TMCC1: variants seen among roughly 807,000 people sequenced by gnomAD.
The protein encoded by TMCC1 is transmembrane and coiled-coil domains protein 1.
Under a neutral mutation model 52.4 loss-of-function variants are expected in TMCC1, and 15 were observed. The observed-to-expected ratio is 0.29, with a 90% CI of 0.19 to 0.44. The LOEUF is 0.44. TMCC1 is among the 20% of genes least tolerant of loss of function. TMCC1 has a pLI of 1.00. For missense variants in TMCC1, 503 were observed against 806.0 expected (o/e 0.62, Z 4.55); for synonymous variants, 279 against 301.9 (o/e 0.92, Z 0.79).
At chr3:129,725,413 C>T (rs191376209) in intron 4 of TMCC1, among the ~76,000 whole-genome samples, 3 of 151,972 alleles carry the variant, frequency 2.0e-5, no homozygotes, top group East Asian at 1.9e-4. Flanking sequence ...GCGGCCTAAT[C>T]GTACAATTTC....
chr3:129,668,250 T>C (rs892689527), intron 5 of TMCC1, among the ~76,000 whole-genome samples: 2 of 152,144 alleles, frequency 1.3e-5, no homozygotes, highest in African/African-American at 2.4e-5. Context: ...GTTTTAAAAA[T>C]TTTTTTAACT....
At chr3:129,767,540 T>C (rs2054231623) in intron 4 of TMCC1, among the ~76,000 whole-genome samples, 1 of 152,082 alleles carries the variant, frequency 6.6e-6, no homozygotes. Context: ...ACTTTGCTAA[T>C]TTTTAAATTT....
intron 4 of TMCC1, among the ~76,000 whole-genome samples, chr3:129,674,555 A>G (rs2108898128): frequency 6.6e-6 from 1 of 152,308 alleles, no homozygotes; most frequent in South Asian, 2.1e-4. Flanking sequence ...GAGAGAGGAA[A>G]AAACCAGAGG....
At chr3:129,664,197 A>T (rs1219263591) in intron 5 of TMCC1, among the ~76,000 whole-genome samples, 2 of 152,170 alleles carry the variant, frequency 1.3e-5, no homozygotes, top group South Asian at 2.1e-4. Context: ...TTTCAAACTT[A>T]TTGTCCAAAT....
At chr3:129,667,455 A>G (rs561661750) in intron 5 of TMCC1, among the ~76,000 whole-genome samples, 14 of 152,250 alleles carry the variant, frequency 9.2e-5, no homozygotes, top group African/African-American at 3.1e-4. Flanking sequence ...TCTTTCTTCA[A>G]GATTGTGTTT....
intron 4 of TMCC1, among the ~76,000 whole-genome samples, chr3:129,764,124 C>T (rs946284368): frequency 1.3e-5 from 2 of 152,154 alleles, no homozygotes; most frequent in African/African-American, 4.8e-5. Flanking sequence ...CTACTGATCT[C>T]ATCTCACAAA....
chr3:129,683,844 C>T (rs1560183720), intron 4 of TMCC1, among the ~76,000 whole-genome samples: 1 of 152,142 alleles, frequency 6.6e-6, no homozygotes, highest in Non-Finnish European at 1.5e-5. Context: ...ATTGTTCAGA[C>T]TCCTGATACA....
intron 4 of TMCC1, among the ~76,000 whole-genome samples, chr3:129,779,383 A>C (rs2055324430): frequency 6.6e-6 from 1 of 152,196 alleles, no homozygotes; most frequent in Non-Finnish European, 1.5e-5. Context: ...AGTTCTTAAC[A>C]ATCACATTAT....
In TMCC1 at chr3:129,650,278, CA is replaced by C. The variant is rs11298293; in HGVS notation, c.*1202del. ...TCACTGGGTGAACGTTTTCTTGGGG[CA>C]AAAAAAAAAAAAAAAAATCCCTATC... On this transcript the variant is annotated 3_prime_UTR_variant, in exon 7 of 7. Coordinates refer to ENST00000393238, the MANE Select transcript of TMCC1 (RefSeq NM_001017395.5). 114,036 of 131,772 alleles carry C rather than the reference CA, an allele frequency of 0.87. 50,393 individuals carry two copies. Among genetic ancestry groups the C allele is most frequent in the Non-Finnish European group, 0.97 (59,737 of 61,474 alleles). The allele number at this position is 131,772 out of a possible 1,614,324, so 8.2% of individuals were successfully genotyped here. A position where few individuals can be genotyped will look rare whatever the true frequency, so the allele number is the denominator to read the frequency against.
At chr3:129,881,752 C>T (rs1218551952) in intron 1 of TMCC1, among the ~76,000 whole-genome samples, 1 of 152,024 alleles carries the variant, frequency 6.6e-6, no homozygotes, top group East Asian at 1.9e-4. Flanking sequence ...TAGCAGCAGT[C>T]AAGACACAGC....
intron 4 of TMCC1, among the ~76,000 whole-genome samples, chr3:129,802,371 A>G (rs534508865): frequency 6.6e-6 from 1 of 152,370 alleles, no homozygotes; most frequent in South Asian, 2.1e-4. Flanking sequence ...ACTTGAGAGT[A>G]TACTATCATC....
intron 4 of TMCC1, among the ~76,000 whole-genome samples, chr3:129,681,833 G>A (rs1230140444): frequency 1.3e-5 from 2 of 151,698 alleles, no homozygotes; most frequent in African/African-American, 4.8e-5. Context: ...GCTTGAACCT[G>A]GGAGGTGGAG....
Position 129,849,753 on chromosome 3 carries a change from G to A in TMCC1, c.-183-16927C>T, listed in dbSNP as rs906317141. 4.0e-5 allele frequency among the ~76,000 whole-genome samples: 6 copies of A among 151,524 alleles called. No individual in the cohort carries two copies. The East Asian group carries it at 7.8e-4, about 20-fold the overall frequency. On this transcript the variant is annotated intron_variant, in intron 2 of 6. Transcript: ENST00000393238. The stretch of plus-strand genomic sequence containing the variant: ...CGCACTACAGCTTGGGCAACAGAGC[G>A]AGACTCCATCTCAAAAAAAAATAAA...
chr3:129,745,379 A>ATT (rs2051842750), intron 4 of TMCC1, among the ~76,000 whole-genome samples: 1 of 152,198 alleles, frequency 6.6e-6, no homozygotes, highest in Non-Finnish European at 1.5e-5. Context: ...CACAGTGCTA[A>ATT]ACTGAGCGCT....
chr3:129,845,990 C>T (rs1163509034), intron 2 of TMCC1, among the ~76,000 whole-genome samples: 1 of 151,818 alleles, frequency 6.6e-6, no homozygotes, highest in African/African-American at 2.4e-5. Context: ...GCCGTGTTCA[C>T]ATCACTGCAC....
intron 4 of TMCC1, among the ~76,000 whole-genome samples, chr3:129,704,301 G>A (rs752616481): frequency 3.3e-5 from 5 of 152,232 alleles, no homozygotes; most frequent in Admixed American, 1.3e-4. Context: ...ATCTTCCAGA[G>A]ACAGTTCTAT....
chr3:129,847,152 T>C (rs1485633668), intron 2 of TMCC1: 3 of 152,090 alleles, frequency 2.0e-5, no homozygotes, highest in Admixed American at 1.3e-4. Flanking sequence ...AAAAAACATG[T>C]AGTTACAGTG....
At chr3:129,689,246 G>A (rs1348941315) in intron 4 of TMCC1, among the ~76,000 whole-genome samples, 17 of 152,284 alleles carry the variant, frequency 1.1e-4, no homozygotes, top group Non-Finnish European at 1.5e-5. Flanking sequence ...CTCAGCCCCT[G>A]TATCATCACA....
chr3:129,882,485 CA>C lies in TMCC1; in HGVS notation c.-434-1927del, dbSNP rs375269633. On this transcript the variant is annotated intron_variant, in intron 1 of 6. Coordinates refer to ENST00000393238, the MANE Select transcript of TMCC1 (RefSeq NM_001017395.5). ...CCTAAAAAAATGAAAATAGAATTACCATATGATCCAGCAATTCCACTTCTGG... is the reference window on the plus strand; with the variant it reads ...CCTAAAAAAATGAAAATAGAATTACCTATGATCCAGCAATTCCACTTCTGG... Among the ~76,000 whole-genome samples the C allele has an allele frequency of 2.3e-3, 349 of 152,220 alleles. 2 individuals carry two copies. The highest frequency in any genetic ancestry group is 8.2e-3 in the African/African-American group (339 of 41,544).
Sources: gnomAD v4.1 joint callset for allele counts (sites outside exome capture counted in the v4.1 genomes callset) on GRCh38, gnomAD v4.1.1 for gene constraint, MANE v1.5 for transcripts, NCBI Gene and HGNC (gene_info 2026-07-23, HGNC 2026-07-21) for gene names.